TBC1D15: variants seen among roughly 807,000 people sequenced by gnomAD.
The protein encoded by TBC1D15 is GAP for RAB7.
Under a neutral mutation model 95.4 loss-of-function variants are expected in TBC1D15, and 39 were observed. The ratio of observed to expected loss-of-function variants is 0.41; its 90% confidence interval spans 0.32 to 0.53. The LOEUF is 0.53. Among genes scored for constraint, TBC1D15 ranks in the 20% least tolerant of loss-of-function variants. The probability of loss-of-function intolerance (pLI) is 0.29; values close to 1 mark genes in which losing one functional copy is unlikely to be tolerated. For synonymous variants in TBC1D15, 258 were observed against 261.3 expected (o/e 0.99, Z 0.12); for missense variants, 733 against 794.3 (o/e 0.92, Z 0.93).
At chr12:71,849,167 AAAAAAAAAAAAC>A in intron 1 of TBC1D15, 4 of 265,698 alleles carry the variant, frequency 1.5e-5, no homozygotes, top group Non-Finnish European at 2.8e-5. Context: ...TGATTATAAA[AAAAAAAAAAAAC>A]AAAAAAAAAA....
At chr12:71,869,543 C>G (rs1382478144) in intron 1 of TBC1D15, among the ~76,000 whole-genome samples, 4 of 151,966 alleles carry the variant, frequency 2.6e-5, no homozygotes, top group African/African-American at 9.7e-5. Flanking sequence ...CAAAACAAAA[C>G]AAAACAAAAC....
chr12:71,891,865 G>C (rs769478188), intron 5 of TBC1D15, among the ~76,000 whole-genome samples: 12 of 152,052 alleles, frequency 7.9e-5, no homozygotes, highest in African/African-American at 1.2e-4. Context: ...TTGCCTATTT[G>C]TTCCTCTTTT....
At chr12:71,870,492 C>G (rs1892434081) in intron 1 of TBC1D15, among the ~76,000 whole-genome samples, 1 of 152,114 alleles carries the variant, frequency 6.6e-6, no homozygotes, top group African/African-American at 2.4e-5. Flanking sequence ...ATCAAAACTT[C>G]CTTGGTGATC....
At chr12:71,857,246 G>T (rs892280796) in intron 1 of TBC1D15, among the ~76,000 whole-genome samples, 5 of 152,022 alleles carry the variant, frequency 3.3e-5, no homozygotes, top group African/African-American at 9.7e-5. Context: ...CACTGCGGCT[G>T]CCCAGAACCT....
At chr12:71,846,764 T>TTC (rs1322701961) in intron 1 of TBC1D15, among the ~76,000 whole-genome samples, 13 of 150,014 alleles carry the variant, frequency 8.7e-5, no homozygotes, top group African/African-American at 2.5e-4. Flanking sequence ...GCTTTTTTTT[T>TTC]TTTTTTTTTT....
intron 10 of TBC1D15, among the ~76,000 whole-genome samples, chr12:71,904,083 G>T (rs1224799115): frequency 6.6e-6 from 1 of 152,170 alleles, no homozygotes; most frequent in Non-Finnish European, 1.5e-5. Flanking sequence ...GAGCCCTGGG[G>T]CACTTTAATT....
intron 1 of TBC1D15, among the ~76,000 whole-genome samples, chr12:71,844,836 A>G: frequency 6.6e-6 from 1 of 152,222 alleles, no homozygotes; most frequent in East Asian, 1.9e-4. Context: ...TTACTGGCTT[A>G]CATAATACTG....
intron 5 of TBC1D15, among the ~76,000 whole-genome samples, chr12:71,887,445 G>A (rs781690516): frequency 4.6e-5 from 7 of 152,132 alleles, no homozygotes; most frequent in Non-Finnish European, 1.0e-4. Flanking sequence ...TCATCAACAA[G>A]GGCCTGCCCT....
chr12:71,896,093 A>C lies in TBC1D15; in HGVS notation c.984+18A>C. 6.3e-7 allele frequency: 1 copy of C among 1,592,982 alleles called. No homozygotes were observed. ...TTAGAGGGGTAATTTAAACACTCTAATATGGCTTGTCTTATAAACTCCTAG... is the reference window on the plus strand; with the variant it reads ...TTAGAGGGGTAATTTAAACACTCTACTATGGCTTGTCTTATAAACTCCTAG... On this transcript the variant is annotated intron_variant, in intron 8 of 16. Coordinates refer to ENST00000485960, the MANE Select transcript of TBC1D15 (RefSeq NM_001146213.3).
intron 6 of TBC1D15, 140 bp from the exon 7 acceptor site, chr12:71,894,546 A>G (rs1366480998): frequency 1.7e-5 from 18 of 1,082,262 alleles, no homozygotes; most frequent in Non-Finnish European, 2.4e-5. Context: ...AGAAAATACA[A>G]ATTTAAGATA....
intron 5 of TBC1D15, among the ~76,000 whole-genome samples, chr12:71,891,552 A>G (rs1165969247): frequency 3.9e-5 from 6 of 152,132 alleles, no homozygotes; most frequent in Admixed American, 2.6e-4. Flanking sequence ...GAGCTCTGCA[A>G]TTACCTAGCG....
At chr12:71,860,913 G>A (rs1890232114) in intron 1 of TBC1D15, among the ~76,000 whole-genome samples, 1 of 152,122 alleles carries the variant, frequency 6.6e-6, no homozygotes, top group Non-Finnish European at 1.5e-5. Flanking sequence ...TTTTTATCAT[G>A]AGGGATGTTT....
intron 10 of TBC1D15, among the ~76,000 whole-genome samples, chr12:71,903,539 A>G (rs1261917194): frequency 6.6e-6 from 1 of 152,194 alleles, no homozygotes; most frequent in Admixed American, 6.5e-5. Flanking sequence ...AGGGGTATAA[A>G]TCGTTCTACC....
chr12:71,913,177 A>ATTGGTTGG (rs1902819941), intron 11 of TBC1D15, among the ~76,000 whole-genome samples: 1 of 152,070 alleles, frequency 6.6e-6, no homozygotes, highest in African/African-American at 2.4e-5. Context: ...GGTTAAGCCC[A>ATTGGTTGG]GTTGCTGGCA....
At chr12:71,881,104 C>T (rs1046850275) in intron 4 of TBC1D15, among the ~76,000 whole-genome samples, 4 of 152,218 alleles carry the variant, frequency 2.6e-5, no homozygotes, top group African/African-American at 7.2e-5. Context: ...AATGACTGAT[C>T]GCCTATATGT....
intron 14 of TBC1D15, 151 bp from the exon 15 acceptor site, chr12:71,920,580 C>G: frequency 1.5e-6 from 1 of 673,936 alleles, no homozygotes; most frequent in Non-Finnish European, 2.6e-6. Flanking sequence ...GACTCTCCTT[C>G]CCCTCATTTC....
intron 8 of TBC1D15, 197 bp from the exon 9 acceptor site, chr12:71,896,480 C>G: frequency 1.7e-6 from 1 of 573,712 alleles, no homozygotes; most frequent in South Asian, 2.2e-5. Context: ...ATTCTGTGCA[C>G]TGTTTAAACT....
intron 5 of TBC1D15, among the ~76,000 whole-genome samples, chr12:71,889,997 A>G (rs1411687687): frequency 6.6e-6 from 1 of 152,152 alleles, no homozygotes; most frequent in Admixed American, 6.5e-5. Flanking sequence ...GCTGCGTAGT[A>G]TTCCATGGTG....
intron 4 of TBC1D15, among the ~76,000 whole-genome samples, chr12:71,883,135 T>A (rs1276028894): frequency 1.3e-5 from 2 of 151,988 alleles, no homozygotes; most frequent in African/African-American, 4.8e-5. Flanking sequence ...TTTTTTTCTT[T>A]TTTTTTTCAT....
Sources: allele counts gnomAD v4.1 joint callset (sites outside exome capture counted in the v4.1 genomes callset), GRCh38; gene constraint gnomAD v4.1.1; transcripts MANE v1.5; gene names NCBI Gene and HGNC (gene_info 2026-07-23, HGNC 2026-07-21).